DPF3: variants seen among roughly 807,000 people sequenced by gnomAD.
DPF3 encodes zinc finger protein DPF3.
DPF3 carries 18 observed loss-of-function variants against 56.8 expected under a neutral mutation model. The observed-to-expected ratio is 0.32, with a 90% CI of 0.22 to 0.47. The LOEUF (loss-of-function observed/expected upper bound fraction) is 0.47. Ranked by LOEUF, DPF3 falls within the 20% of genes least tolerant of loss-of-function variation. The pLI, the probability that DPF3 is intolerant of heterozygous loss-of-function variation, is 1.00. For missense variants in DPF3, 403 were observed against 488.8 expected, an observed-to-expected ratio of 0.82 and a Z score of 1.65; for synonymous variants, 188 against 180.2, an observed-to-expected ratio of 1.04 and a Z score of -0.35.
At chr14:72,828,522 A>G (rs1220412214) in intron 1 of DPF3, among the ~76,000 whole-genome samples, 1 of 109,568 alleles carries the variant, frequency 9.1e-6, no homozygotes, top group Non-Finnish European at 1.9e-5. Flanking sequence ...TGGGCAACAA[A>G]GTGAGACCAT....
chr14:72,876,181 A>C (rs1046883212), intron 1 of DPF3, among the ~76,000 whole-genome samples: 1 of 152,230 alleles, frequency 6.6e-6, no homozygotes, highest in South Asian at 2.1e-4. Flanking sequence ...CGGCCCTTGC[A>C]GCTGGACAGA....
At chr14:72,855,110 A>G (rs1295720933) in intron 1 of DPF3, among the ~76,000 whole-genome samples, 1 of 152,170 alleles carries the variant, frequency 6.6e-6, no homozygotes, top group African/African-American at 2.4e-5. Flanking sequence ...AGGGGTGGAG[A>G]GACCAAACTG....
chr14:72,879,837 A>G (rs1886259575), intron 1 of DPF3: 2 of 1,535,448 alleles, frequency 1.3e-6, no homozygotes, highest in Non-Finnish European at 1.7e-6. Context: ...GCATCCAGAG[A>G]TGGGCTCTTC....
chr14:72,821,133 CAAAAAAA>C (rs976081670), intron 1 of DPF3, among the ~76,000 whole-genome samples: 1 of 116,900 alleles, frequency 8.6e-6, no homozygotes. Context: ...AACTCTATCT[CAAAAAAA>C]AAAAAAAAAA....
chr14:72,882,485 G>A (rs886514632), intron 1 of DPF3, among the ~76,000 whole-genome samples: 8 of 152,182 alleles, frequency 5.3e-5, no homozygotes, highest in Non-Finnish European at 1.2e-4. Flanking sequence ...AATGATTGGG[G>A]GAAAGTGTTT....
chr14:72,784,379 C>T (rs1044455984), intron 1 of DPF3, among the ~76,000 whole-genome samples: 3 of 152,132 alleles, frequency 2.0e-5, no homozygotes, highest in African/African-American at 7.2e-5. Flanking sequence ...CCTAAATCTG[C>T]CCTCAACACC....
At chr14:72,869,885 T>TC (rs1885828235) in intron 1 of DPF3, among the ~76,000 whole-genome samples, 1 of 152,068 alleles carries the variant, frequency 6.6e-6, no homozygotes, top group Non-Finnish European at 1.5e-5. Flanking sequence ...TGCTTTTTTT[T>TC]CCCTAGAGAT....
chr14:72,637,115 G>A (rs1885405733), intron 8 of DPF3, among the ~76,000 whole-genome samples: 1 of 152,220 alleles, frequency 6.6e-6, no homozygotes, highest in Admixed American at 6.5e-5. Context: ...ATTCATGCAA[G>A]AGTATTACGG....
At chr14:72,631,485 C>G (rs766867078) in intron 8 of DPF3, among the ~76,000 whole-genome samples, 8 of 152,160 alleles carry the variant, frequency 5.3e-5, no homozygotes, top group Non-Finnish European at 1.2e-4. Context: ...CTGTTTGGGA[C>G]TCCATGTGGT....
chr14:72,812,072 A>G (rs1249760671), intron 1 of DPF3, among the ~76,000 whole-genome samples: 1 of 152,114 alleles, frequency 6.6e-6, no homozygotes, highest in African/African-American at 2.4e-5. Flanking sequence ...ATCTGCCCCA[A>G]GTGAGCTCCA....
intron 3 of DPF3, among the ~76,000 whole-genome samples, chr14:72,749,440 G>C (rs1275027700): frequency 6.6e-6 from 1 of 152,204 alleles, no homozygotes; most frequent in Non-Finnish European, 1.5e-5. Flanking sequence ...GCCTTGTCTT[G>C]GATGAGACTT....
At chr14:72,794,751 G>A (rs1035477904) in intron 1 of DPF3, among the ~76,000 whole-genome samples, 2 of 152,156 alleles carry the variant, frequency 1.3e-5, no homozygotes, top group African/African-American at 4.8e-5. Context: ...AAACACAAAT[G>A]TACGATTTTA....
chr14:72,692,097 A>C (rs1887715197), intron 7 of DPF3, among the ~76,000 whole-genome samples: 1 of 152,232 alleles, frequency 6.6e-6, no homozygotes, highest in African/African-American at 2.4e-5. Context: ...GCCAGTGGAC[A>C]TCAGTTGACT....
intron 7 of DPF3, among the ~76,000 whole-genome samples, chr14:72,688,190 ATGGGTGGGTGGGTGGGTGTGTGGG>A (rs1567200711): frequency 1.0e-4 from 4 of 38,758 alleles, no homozygotes; most frequent in East Asian, 2.3e-3. Flanking sequence ...GGATGGATGG[ATGGGTGGGTGGGTGGGTGTGTGGG>A]TGGATGGATG....
At position 72,765,686 on chromosome 14, in the gene DPF3, G is replaced by A. The variant is rs180962581; in HGVS notation, c.193+6047C>T. Among the ~76,000 whole-genome samples the A allele has an allele frequency of 1.1e-4, 16 of 152,304 alleles. No individual in the cohort carries two copies. In the East Asian group the frequency reaches 1.3e-3, roughly 13 times the overall value. ...ACACAGGCCGGGTGCGGTGGCTCAC[G>A]CCTGTAATCCCAGAACTTTGGGAGG... On this transcript the variant is annotated intron_variant, in intron 2 of 10. Transcript: ENST00000556509.
chr14:72,666,984 C>T (rs1489022514), intron 8 of DPF3, among the ~76,000 whole-genome samples: 1 of 152,218 alleles, frequency 6.6e-6, no homozygotes, highest in East Asian at 1.9e-4. Context: ...AACCCCCAAA[C>T]ACCCTTTAGT....
chr14:72,773,222 T>A lies in DPF3; in HGVS notation c.33-1329A>T, dbSNP rs187096208. On this transcript the variant is annotated intron_variant, in intron 1 of 10. Transcript: ENST00000556509. ...ATCTCAGCTCACTGCAACCTCCACC[T>A]CCTGGGTTCAAACGATTCTCCTGCC... Among the ~76,000 whole-genome samples the A allele has an allele frequency of 7.0e-3, 1,044 of 149,016 alleles. 7 individuals carry two copies. The highest frequency in any genetic ancestry group is 0.012 in the Non-Finnish European group (798 of 67,544).
At chr14:72,721,921 A>G (rs1349577093) in intron 5 of DPF3, among the ~76,000 whole-genome samples, 1 of 152,154 alleles carries the variant, frequency 6.6e-6, no homozygotes, top group African/African-American at 2.4e-5. Flanking sequence ...AATTAATGGC[A>G]TGGAGAAAAA....
In DPF3 at chr14:72,702,636, C is replaced by T. The variant is rs148037062; in HGVS notation, c.605-9423G>A. Reference sequence around the variant, plus strand: ...ACCCTCCATCTTCTCTCTGCAGAACCATCTGGGGGATGGAGGCATTCCTAC... The same window carrying T: ...ACCCTCCATCTTCTCTCTGCAGAACTATCTGGGGGATGGAGGCATTCCTAC... On this transcript the variant is annotated intron_variant, in intron 6 of 10. Coordinates refer to ENST00000556509, the MANE Select transcript of DPF3 (RefSeq NM_001280542.3). Among the ~76,000 whole-genome samples the T allele has an allele frequency of 5.5e-3, 833 of 152,330 alleles. 8 individuals carry two copies. The highest frequency in any genetic ancestry group is 0.019 in the African/African-American group (795 of 41,568).
Sources: allele counts gnomAD v4.1 joint callset (sites outside exome capture counted in the v4.1 genomes callset), GRCh38; gene constraint gnomAD v4.1.1; transcripts MANE v1.5; gene names NCBI Gene and HGNC (gene_info 2026-07-23, HGNC 2026-07-21).